Variants in CNTNAP2 observed in about 807,000 individuals in gnomAD.
CNTNAP2 encodes the protein contactin associated protein 2.
Under a neutral mutation model 155.2 loss-of-function variants are expected in CNTNAP2, and 98 were observed. The ratio of observed to expected loss-of-function variants is 0.63; its 90% CI spans 0.54 to 0.75. The LOEUF (loss-of-function observed/expected upper bound fraction) is 0.75. Among genes scored for constraint, CNTNAP2 ranks in the 30% least tolerant of loss-of-function variants. The pLI, the probability that CNTNAP2 is intolerant of heterozygous loss-of-function variation, is 0.00. For synonymous variants in CNTNAP2, 651 were observed against 631.2 expected, an observed-to-expected ratio of 1.03 and a Z score of -0.47; for missense variants, 1,727 against 1,688.1, an observed-to-expected ratio of 1.02 and a Z score of -0.40.
chr7:146,155,485 C>G (rs1798111105), intron 1 of CNTNAP2, among the ~76,000 whole-genome samples: 1 of 152,010 alleles, frequency 6.6e-6, no homozygotes, highest in South Asian at 2.1e-4. Context: ...ATAACATATA[C>G]TTGTTCAATT....
At chr7:146,458,234 A>G (rs1402531419) in intron 1 of CNTNAP2, among the ~76,000 whole-genome samples, 1 of 152,180 alleles carries the variant, frequency 6.6e-6, no homozygotes, top group Non-Finnish European at 1.5e-5. Context: ...GCAGCAAACT[A>G]CCATCTCACA....
chr7:147,370,059 C>G (rs1396402157), intron 9 of CNTNAP2, among the ~76,000 whole-genome samples: 2 of 152,204 alleles, frequency 1.3e-5, no homozygotes, highest in East Asian at 3.9e-4. Flanking sequence ...AACACAGTAA[C>G]ATCTTCCGTA....
intron 9 of CNTNAP2, among the ~76,000 whole-genome samples, chr7:147,392,226 GC>G (rs1796731479): frequency 6.6e-6 from 1 of 151,688 alleles, no homozygotes; most frequent in Non-Finnish European, 1.5e-5. Context: ...TTCTTTTAAG[GC>G]CTGTCCCGCT....
intron 3 of CNTNAP2, among the ~76,000 whole-genome samples, chr7:146,912,845 G>A (rs1020891595): frequency 6.6e-6 from 1 of 152,016 alleles, no homozygotes; most frequent in African/African-American, 2.4e-5. Flanking sequence ...TTAGAATATT[G>A]TTGCCTCTTT....
At chr7:147,984,854 C>T (rs1218130003) in intron 15 of CNTNAP2, among the ~76,000 whole-genome samples, 5 of 152,102 alleles carry the variant, frequency 3.3e-5, no homozygotes, top group Non-Finnish European at 5.9e-5. Context: ...GTGGTTCATG[C>T]CTGTAATCCC....
chr7:147,794,979 G>A (rs899957777), intron 13 of CNTNAP2, among the ~76,000 whole-genome samples: 3 of 150,368 alleles, frequency 2.0e-5, no homozygotes, highest in African/African-American at 7.3e-5. Flanking sequence ...TTTCCATTTT[G>A]TTTTCTTGGT....
chr7:147,353,736 T>C (rs1796010308), intron 9 of CNTNAP2, among the ~76,000 whole-genome samples: 2 of 152,122 alleles, frequency 1.3e-5, no homozygotes, highest in Admixed American at 1.3e-4. Context: ...TCTTCCACAA[T>C]GGTTGAACTA....
At chr7:147,303,038 A>G (rs1229593378) in intron 9 of CNTNAP2, among the ~76,000 whole-genome samples, 1 of 152,196 alleles carries the variant, frequency 6.6e-6, no homozygotes, top group Non-Finnish European at 1.5e-5. Context: ...AGGTGACAGA[A>G]AGCCTCCTCA....
intron 1 of CNTNAP2, among the ~76,000 whole-genome samples, chr7:146,650,596 C>A (rs1401995126): frequency 2.0e-5 from 3 of 151,884 alleles, no homozygotes; most frequent in Non-Finnish European, 2.9e-5. Context: ...ATGTAGATGA[C>A]GAGTTGATGG....
At chr7:146,625,985 C>T (rs1184470166) in intron 1 of CNTNAP2, among the ~76,000 whole-genome samples, 1 of 152,040 alleles carries the variant, frequency 6.6e-6, no homozygotes, top group Non-Finnish European at 1.5e-5. Context: ...TATCTTCATA[C>T]ACTAGTTTGG....
At chr7:146,699,854 G>C (rs1426543214) in intron 1 of CNTNAP2, among the ~76,000 whole-genome samples, 2 of 152,062 alleles carry the variant, frequency 1.3e-5, no homozygotes, top group Non-Finnish European at 2.9e-5. Flanking sequence ...CATAATTTCA[G>C]CGACTCGGAA....
chr7:147,757,359 G>A (rs1405891216), intron 13 of CNTNAP2, among the ~76,000 whole-genome samples: 2 of 152,052 alleles, frequency 1.3e-5, no homozygotes, highest in East Asian at 3.9e-4. Flanking sequence ...AGTATTCAAA[G>A]AAACAAAATT....
Position 147,132,659 on chromosome 7 carries a change from T to C in CNTNAP2, c.1348+150T>C. ...ACGCTTACTTGGTTGTAGTGTGTGC[T>C]GATTGAATAAAGAAAACTTGGAAAG... On this transcript the variant is annotated intron_variant, in intron 8 of 23. Coordinates refer to ENST00000361727, the MANE Select transcript of CNTNAP2 (RefSeq NM_014141.6). 3 of 1,106,758 alleles carry C rather than the reference T, an allele frequency of 2.7e-6. No homozygotes were observed. The South Asian group carries it at 4.2e-5, about 16-fold the overall frequency. 68.6% of individuals were successfully genotyped at this position (1,106,758 alleles called of 1,614,324 possible). A position where few individuals can be genotyped will look rare whatever the true frequency, so the allele number is the denominator to read the frequency against.
At chr7:147,117,206 C>T (rs1159507139) in intron 5 of CNTNAP2, among the ~76,000 whole-genome samples, 1 of 152,096 alleles carries the variant, frequency 6.6e-6, no homozygotes, top group Admixed American at 6.5e-5. Flanking sequence ...TGTAAAGCTC[C>T]ACCCTGTCTC....
chr7:148,417,895 C>T lies in CNTNAP2; in HGVS notation c.*2279C>T, dbSNP rs1800030545. 2 of 152,260 alleles carry T rather than the reference C, an allele frequency of 1.3e-5. No homozygotes were observed. Among genetic ancestry groups the T allele is most frequent in the Non-Finnish European group, 2.9e-5 (2 of 68,056 alleles). The allele number at this position is 152,260 out of a possible 1,614,324, so 9.4% of individuals were successfully genotyped here. ...AATGTTCTCATCCTTTCTCCTCCCT[C>T]TCCTTTTCCTGCCACAAAAGGTGAA... On this transcript the variant is annotated 3_prime_UTR_variant, in exon 24 of 24. Coordinates refer to ENST00000361727, the MANE Select transcript of CNTNAP2 (RefSeq NM_014141.6).
In CNTNAP2 at chr7:146,219,290, T is replaced by C. The variant is rs541329857; in HGVS notation, c.97+102317T>C. ...ACATAGCCAAACCATATCAGTAAGC[T>C]AATGAATACACATGCCTTCATCTCT... is the stretch of plus-strand genomic sequence containing the variant. On this transcript the variant is annotated intron_variant, in intron 1 of 23. Transcript: ENST00000361727. 2.6e-4 allele frequency among the ~76,000 whole-genome samples: 39 copies of C among 152,336 alleles called. No individual in the cohort carries two copies. In the South Asian group the frequency reaches 8.1e-3, roughly 32 times the overall value.
At chr7:147,126,095 C>T (rs530434707) in intron 6 of CNTNAP2, among the ~76,000 whole-genome samples, 1 of 152,232 alleles carries the variant, frequency 6.6e-6, no homozygotes, top group South Asian at 2.1e-4. Context: ...ACAGCCCTTC[C>T]ACTTAAATAT....
chr7:146,676,036 A>C, intron 1 of CNTNAP2, among the ~76,000 whole-genome samples: 1 of 152,204 alleles, frequency 6.6e-6, no homozygotes. Flanking sequence ...TTGGATATAA[A>C]TTTGCCCTTG....
chr7:147,891,207 AT>A (rs141774201), intron 13 of CNTNAP2, among the ~76,000 whole-genome samples: 70,764 of 146,236 alleles, frequency 0.48, 16,798 homozygotes, highest in Middle Eastern at 0.55. Context: ...CAACAAATAG[AT>A]TTTTTTTTTT....
Sources: gnomAD v4.1 joint callset for allele counts (sites outside exome capture counted in the v4.1 genomes callset) on GRCh38, gnomAD v4.1.1 for gene constraint, MANE v1.5 for transcripts, NCBI Gene and HGNC (gene_info 2026-07-23, HGNC 2026-07-21) for gene names.